GIMAP7: variants seen among roughly 807,000 people sequenced by gnomAD.
The protein encoded by GIMAP7 is GTPase IMAP family member 7.
For missense variants in GIMAP7, 323 were observed against 359.7 expected (o/e 0.90, Z 0.83); for synonymous variants, 137 against 129.3 (o/e 1.06, Z -0.40).
chr7:150,520,289 A>C lies in GIMAP7; in HGVS notation c.315A>C (p.Thr105=). 6.2e-7 allele frequency: 1 copy of C among 1,614,100 alleles called. No individual in the cohort carries two copies. The highest frequency in any genetic ancestry group is 8.5e-7 in the Non-Finnish European group (1 of 1,180,018). ...IVLVLLLGRY[T]EEEQKTVALI... is the part of the protein sequence containing the mutation. The stretch of plus-strand genomic sequence containing the variant: ...TAGTTCTGCTGCTGGGCCGCTACAC[A>C]GAGGAGGAGCAGAAAACCGTTGCAT... The change falls in exon 2 of 2, where the codon ACA becomes ACC. Residue 105 remains threonine (T), a synonymous_variant. Transcript: ENST00000313543.
chr7:150,520,351 A>G lies in GIMAP7; in HGVS notation c.377A>G (p.His126Arg), dbSNP rs1490240033. The G allele has an allele frequency of 8.7e-6, 14 of 1,614,248 alleles. No individual in the cohort carries two copies. The highest frequency in any genetic ancestry group is 1.2e-5 in the Non-Finnish European group (14 of 1,180,044). Residue 126 changes from histidine to arginine, a missense_variant, in exon 2 of 2, where the codon CAC (histidine) becomes CGC (arginine). Physicochemically the swap from His to Arg is conservative, Grantham distance 29 (BLOSUM62 0). Transcript: ENST00000313543. The stretch of plus-strand genomic sequence containing the variant: ...GTCTTTGGGAAGTCAGCCATGAAGC[A>G]CATGGTCATCTTGTTCACTCGCAAA... ...KAVFGKSAMKHMVILFTRKEE... is the reference protein window; with the variant it reads ...KAVFGKSAMKRMVILFTRKEE...
Position 150,520,885 on chromosome 7 carries a change from T to G in GIMAP7, c.*8T>G, listed in dbSNP as rs774788971. On this transcript the variant is annotated 3_prime_UTR_variant, in exon 2 of 2. Coordinates refer to ENST00000313543, the MANE Select transcript of GIMAP7 (RefSeq NM_153236.4). ...AAGTTTTATTCTTCCTAATTTACTG[T>G]GATTTGTTAATGGATGAATTGTATT... The G allele has an allele frequency of 2.2e-6, 3 of 1,387,652 alleles. No homozygotes were observed. The highest frequency in any genetic ancestry group is 1.9e-6 in the Non-Finnish European group (2 of 1,044,790). The allele number at this position is 1,387,652 out of a possible 1,614,324, so 86.0% of individuals were successfully genotyped here.
In GIMAP7 at chr7:150,520,184, C is replaced by T. The variant is rs1795174041; in HGVS notation, c.210C>T (p.Thr70=). The change falls in exon 2 of 2, where the codon ACC becomes ACT. Residue 70 remains threonine (T), a synonymous_variant. Transcript: ENST00000313543. The part of the protein sequence containing the change: ...LVVDTPGLFD[T]KESLDTTCKE... ...TAGACACTCCAGGGCTCTTTGACAC[C>T]AAGGAGAGCCTGGACACCACCTGCA... The T allele has an allele frequency of 6.2e-7, 1 of 1,613,936 alleles. No homozygotes were observed. Among genetic ancestry groups the T allele is most frequent in the African/African-American group, 1.3e-5 (1 of 74,894 alleles).
chr7:150,516,668 T>C (rs987272473), intron 1 of GIMAP7, among the ~76,000 whole-genome samples: 1 of 152,238 alleles, frequency 6.6e-6, no homozygotes, highest in Non-Finnish European at 1.5e-5. Flanking sequence ...ATGTGTAGGT[T>C]TTCACCTTCC....
chr7:150,518,220 T>A (rs1455522308), intron 1 of GIMAP7, among the ~76,000 whole-genome samples: 1 of 152,134 alleles, frequency 6.6e-6, no homozygotes, highest in Non-Finnish European at 1.5e-5. Flanking sequence ...GGATTGATAA[T>A]CAAAGAGTAA....
chr7:150,519,965 T>C lies in GIMAP7; in HGVS notation c.-10T>C. On this transcript the variant is annotated 5_prime_UTR_variant, in exon 2 of 2. Transcript: ENST00000313543. ...TACGTGCCTAAGTTCTAGAGCCTCC[T>C]GACGTGAGCATGGCTGAGAGTGAGG... 3.1e-6 allele frequency: 5 copies of C among 1,612,602 alleles called. No homozygotes were observed. Among genetic ancestry groups the C allele is most frequent in the Non-Finnish European group, 4.2e-6 (5 of 1,178,834 alleles).
intron 1 of GIMAP7, among the ~76,000 whole-genome samples, chr7:150,517,424 G>A (rs762097826): frequency 1.4e-4 from 21 of 152,096 alleles, no homozygotes; most frequent in Admixed American, 4.6e-4. Context: ...GGCTAAACTT[G>A]TATGTTTACT....
At chr7:150,515,487 A>G (rs1365464125) in intron 1 of GIMAP7, among the ~76,000 whole-genome samples, 1 of 152,238 alleles carries the variant, frequency 6.6e-6, no homozygotes. Context: ...CAGTACAAAA[A>G]GAGTTGCCAT....
At position 150,515,786 on chromosome 7, in the gene GIMAP7, G is replaced by A. The variant is rs145295847; in HGVS notation, c.-42+841G>A. On this transcript the variant is annotated intron_variant, in intron 1 of 1. Coordinates refer to ENST00000313543, the MANE Select transcript of GIMAP7 (RefSeq NM_153236.4). ...TGATATTTCTGACCATCTCTCTCAC[G>A]TTTGGCTTCTCAATATGAGAGAGAT... Among the ~76,000 whole-genome samples the A allele has an allele frequency of 3.5e-4, 49 of 139,426 alleles. 1 individual carries two copies. In the East Asian group the frequency reaches 0.01, roughly 29 times the overall value. 91.5% of individuals were successfully genotyped at this position (139,426 alleles called of 152,430 possible).
At chr7:150,517,112 G>A (rs541468709) in intron 1 of GIMAP7, among the ~76,000 whole-genome samples, 1 of 152,146 alleles carries the variant, frequency 6.6e-6, no homozygotes, top group South Asian at 2.1e-4. Context: ...AAGATGAGAT[G>A]TATGAAAGAC....
At position 150,521,029 on chromosome 7, in the gene GIMAP7, T is replaced by TATATATATATATATATATATAC. The variant is rs369111955; in HGVS notation, c.*153_*154insTATATATATATATATATATACA. On this transcript the variant is annotated 3_prime_UTR_variant, in exon 2 of 2. Transcript: ENST00000313543. ...TGATTTTTAAATATATATATATATA[T>TATATATATATATATATATATAC]ACACACATTGTGAAATAATGAAATA... The TATATATATATATATATATATAC allele has an allele frequency of 8.3e-6, 2 of 241,004 alleles. No individual in the cohort carries two copies. Among genetic ancestry groups the TATATATATATATATATATATAC allele is most frequent in the African/African-American group, 4.8e-5 (2 of 41,714 alleles). 14.9% of individuals were successfully genotyped at this position (241,004 alleles called of 1,614,324 possible).
At chr7:150,517,583 T>TACACACACACACACATAC (rs1554498623) in intron 1 of GIMAP7, among the ~76,000 whole-genome samples, 4 of 149,612 alleles carry the variant, frequency 2.7e-5, no homozygotes, top group Non-Finnish European at 4.4e-5. Flanking sequence ...TTCAAAACAG[T>TACACACACACACACATAC]ACACACACAC....
At chr7:150,518,791 G>A (rs189973717) in intron 1 of GIMAP7, among the ~76,000 whole-genome samples, 3 of 151,884 alleles carry the variant, frequency 2.0e-5, no homozygotes, top group South Asian at 2.1e-4. Flanking sequence ...AAATTTACCC[G>A]TGTTTCTCTT....
rs147029703 is a variant in GIMAP7, at chr7:150,520,111, A to T, written c.137A>T (p.Asn46Ile). The stretch of plus-strand genomic sequence containing the variant: ...ATTGCTGCCCAAGCTGTTACCAAGA[A>T]CTGTCAAAAAGCATCCCGGGAATGG... ...SRIAAQAVTK[N>I]CQKASREWQG... Residue 46 changes from asparagine (N) to isoleucine (I), a missense_variant, in exon 2 of 2, where the codon AAC becomes ATC. Coordinates refer to ENST00000313543, the MANE Select transcript of GIMAP7 (RefSeq NM_153236.4). The T allele has an allele frequency of 5.6e-6, 9 of 1,614,038 alleles. No homozygotes were observed. Among genetic ancestry groups the T allele is most frequent in the African/African-American group, 4.0e-5 (3 of 74,910 alleles).
At chr7:150,515,557 T>A (rs574979145) in intron 1 of GIMAP7, among the ~76,000 whole-genome samples, 32 of 152,170 alleles carry the variant, frequency 2.1e-4, no homozygotes, top group Non-Finnish European at 4.3e-4. Flanking sequence ...AAGATTGGTT[T>A]TATTTTCCTT....
chr7:150,515,360 G>A (rs1795123767), intron 1 of GIMAP7, among the ~76,000 whole-genome samples: 1 of 152,126 alleles, frequency 6.6e-6, no homozygotes, highest in Admixed American at 6.5e-5. Context: ...TCTCCAAGGG[G>A]TACCCAGATC....
In GIMAP7 at chr7:150,520,317, A is replaced by G. The variant is rs1563302376; in HGVS notation, c.343A>G (p.Ile115Val). The G allele has an allele frequency of 1.2e-6, 2 of 1,614,190 alleles. No homozygotes were observed. Among genetic ancestry groups the G allele is most frequent in the Non-Finnish European group, 1.7e-6 (2 of 1,180,044 alleles). ...TEEEQKTVAL[I>V]KAVFGKSAMK... ...GGAGGAGCAGAAAACCGTTGCATTG[A>G]TCAAGGCTGTCTTTGGGAAGTCAGC... The change falls in exon 2 of 2, where the codon ATC becomes GTC. Residue 115 changes from isoleucine (I) to valine (V), a missense_variant. Transcript: ENST00000313543.
At position 150,520,389 on chromosome 7, in the gene GIMAP7, G is replaced by A. The variant is rs992435888; in HGVS notation, c.415G>A (p.Gly139Ser). 1.2e-6 allele frequency: 2 copies of A among 1,614,194 alleles called. No homozygotes were observed. The highest frequency in any genetic ancestry group is 1.7e-6 in the Non-Finnish European group (2 of 1,180,048). The change falls in exon 2 of 2, where the codon GGC becomes AGC. Residue 139 changes from glycine (G) to serine (S), a missense_variant. Gly to Ser is a moderately conservative substitution (Grantham distance 56, BLOSUM62 0). Transcript: ENST00000313543. ...GTTCACTCGCAAAGAAGAGTTGGAG[G>A]GCCAGAGCTTCCATGACTTCATAGC... ...ILFTRKEELE[G>S]QSFHDFIADA...
chr7:150,517,749 A>T (rs889668747), intron 1 of GIMAP7, among the ~76,000 whole-genome samples: 1 of 152,088 alleles, frequency 6.6e-6, no homozygotes, highest in African/African-American at 2.4e-5. Flanking sequence ...TATAATTTTT[A>T]TTGTATAATT....
Sources: gnomAD v4.1 joint callset for allele counts (sites outside exome capture counted in the v4.1 genomes callset) on GRCh38, gnomAD v4.1.1 for gene constraint, MANE v1.5 for transcripts, NCBI Gene and HGNC (gene_info 2026-07-23, HGNC 2026-07-21) for gene names.